The following ZNF423 variants were observed in gnomAD, a reference collection of about 807,000 sequenced individuals.
ZNF423 encodes the protein Ebf-associated zinc finger protein.
ZNF423 carries 12 observed loss-of-function variants against 95.8 expected under a neutral mutation model. That is an observed-to-expected ratio of 0.13 (90% CI 0.08 to 0.20). ZNF423 has a LOEUF of 0.20. Among genes scored for constraint, ZNF423 ranks in the 10% least tolerant of loss-of-function variants. The pLI is 1.00. For missense variants in ZNF423, 1,316 were observed against 1,737.1 expected, an observed-to-expected ratio of 0.76 and a Z score of 4.31; for synonymous variants, 749 against 711.9, an observed-to-expected ratio of 1.05 and a Z score of -0.83.
chr16:49,509,213 T>C (rs1967780607), intron 7 of ZNF423, among the ~76,000 whole-genome samples: 1 of 152,150 alleles, frequency 6.6e-6, no homozygotes, highest in South Asian at 2.1e-4. Context: ...CTAGGATGAC[T>C]ACCTCCTTCC....
intron 3 of ZNF423, among the ~76,000 whole-genome samples, chr16:49,655,826 C>T (rs1408115402): frequency 6.6e-6 from 1 of 152,162 alleles, no homozygotes; most frequent in African/African-American, 2.4e-5. Flanking sequence ...GTCACTTCGC[C>T]CCTGAACCCA....
At position 49,845,108 on chromosome 16, in the gene ZNF423, T is replaced by G. The variant is rs528378773; in HGVS notation, c.40+10627A>C. Among the ~76,000 whole-genome samples the G allele has an allele frequency of 1.2e-3, 177 of 151,740 alleles. 2 individuals carry two copies. The highest frequency in any genetic ancestry group is 3.7e-3 in the African/African-American group (154 of 41,346). On this transcript the variant is annotated intron_variant, in intron 1 of 7. Coordinates refer to ENST00000563137, the MANE Select transcript of ZNF423 (RefSeq NM_001379286.1). Reference sequence around the variant, plus strand: ...GACCCAGAAGATTGAGGCCAGATTTTTTTGTTTGTTTGTGTTTTTTGGGGT... The same window carrying G: ...GACCCAGAAGATTGAGGCCAGATTTGTTTGTTTGTTTGTGTTTTTTGGGGT...
At chr16:49,715,879 A>C (rs2032690196) in intron 3 of ZNF423, among the ~76,000 whole-genome samples, 2 of 150,868 alleles carry the variant, frequency 1.3e-5, no homozygotes, top group African/African-American at 2.4e-5. Flanking sequence ...GTATGCAAAA[A>C]ATCAAAAAAG....
At chr16:49,782,371 T>C (rs2034226366) in intron 2 of ZNF423, among the ~76,000 whole-genome samples, 1 of 152,208 alleles carries the variant, frequency 6.6e-6, no homozygotes, top group East Asian at 1.9e-4. Flanking sequence ...CACATGTATG[T>C]GAAAAGCACT....
At chr16:49,661,687 C>T (rs1340657358) in intron 3 of ZNF423, among the ~76,000 whole-genome samples, 2 of 152,216 alleles carry the variant, frequency 1.3e-5, no homozygotes, top group African/African-American at 4.8e-5. Context: ...TGGAGTGCCT[C>T]TTCTGTGCCA....
intron 7 of ZNF423, among the ~76,000 whole-genome samples, chr16:49,496,961 G>A (rs1967186694): frequency 6.6e-6 from 1 of 152,150 alleles, no homozygotes; most frequent in South Asian, 2.1e-4. Context: ...GTGTCCAAAG[G>A]GCTGGCAAGG....
At chr16:49,850,142 A>G (rs921582528) in intron 1 of ZNF423, among the ~76,000 whole-genome samples, 2 of 152,122 alleles carry the variant, frequency 1.3e-5, no homozygotes, top group Non-Finnish European at 2.9e-5. Context: ...TACAACCCCA[A>G]TCGTTGGCTG....
intron 1 of ZNF423, among the ~76,000 whole-genome samples, chr16:49,829,590 G>T (rs75182074): frequency 0.017 from 2,625 of 152,328 alleles, 31 homozygotes; most frequent in Non-Finnish European, 0.027. Flanking sequence ...CAGCCAGGAA[G>T]GCGGCTGAAC....
At chr16:49,822,252 T>C (rs2034953238) in intron 1 of ZNF423, among the ~76,000 whole-genome samples, 1 of 151,668 alleles carries the variant, frequency 6.6e-6, no homozygotes, top group African/African-American at 2.4e-5. Flanking sequence ...CAGCTTGCTG[T>C]GACCTCCGCC....
At position 49,559,026 on chromosome 16, in the gene ZNF423, T is replaced by C. The variant is rs377673288; in HGVS notation, c.3602-33532A>G. Among the ~76,000 whole-genome samples, 5 of 152,202 alleles carry C rather than the reference T, an allele frequency of 3.3e-5. No homozygotes were observed. In the East Asian group the frequency reaches 7.7e-4, roughly 24 times the overall value. On this transcript the variant is annotated intron_variant, in intron 5 of 7. Coordinates refer to ENST00000563137, the MANE Select transcript of ZNF423 (RefSeq NM_001379286.1). The stretch of plus-strand genomic sequence containing the variant: ...GGGCCACAGGGGCTTCCCTCAACCT[T>C]GGACATCCCTGGCCCAGGCTTGCCC...
chr16:49,695,221 C>T (rs1305621926), intron 3 of ZNF423, among the ~76,000 whole-genome samples: 1 of 152,248 alleles, frequency 6.6e-6, no homozygotes, highest in Non-Finnish European at 1.5e-5. Flanking sequence ...TCAAGTGATT[C>T]TTGTGCCTCA....
At chr16:49,574,393 CTGAT>C (rs1970436370) in intron 5 of ZNF423, among the ~76,000 whole-genome samples, 1 of 152,228 alleles carries the variant, frequency 6.6e-6, no homozygotes, top group Non-Finnish European at 1.5e-5. Context: ...AGACAAAACA[CTGAT>C]TGCCAGTCCT....
chr16:49,842,868 A>C (rs1363727131), intron 1 of ZNF423, among the ~76,000 whole-genome samples: 2 of 151,608 alleles, frequency 1.3e-5, no homozygotes, highest in Non-Finnish European at 2.9e-5. Context: ...AGTCCCAGCT[A>C]CTCGGGAGGC....
intron 5 of ZNF423, among the ~76,000 whole-genome samples, chr16:49,561,200 C>T (rs368411902): frequency 3.3e-5 from 5 of 152,206 alleles, no homozygotes; most frequent in East Asian, 3.9e-4. Flanking sequence ...CCAGATTCAG[C>T]GAAATGATAT....
At chr16:49,724,372 G>A (rs1487822384) in intron 3 of ZNF423, among the ~76,000 whole-genome samples, 4 of 152,198 alleles carry the variant, frequency 2.6e-5, no homozygotes, top group African/African-American at 4.8e-5. Flanking sequence ...CAAGCCCCTA[G>A]CCTTTTGCGC....
At chr16:49,515,688 G>A (rs1398335350) in intron 7 of ZNF423, among the ~76,000 whole-genome samples, 1 of 152,222 alleles carries the variant, frequency 6.6e-6, no homozygotes, top group Non-Finnish European at 1.5e-5. Context: ...ACAATTTCAG[G>A]GGAGCTTGTC....
chr16:49,622,538 C>CA (rs1972118577), intron 5 of ZNF423, among the ~76,000 whole-genome samples: 1 of 152,202 alleles, frequency 6.6e-6, no homozygotes, highest in South Asian at 2.1e-4. Context: ...AAGGCAACGT[C>CA]CCCCCTCTTC....
Position 49,635,639 on chromosome 16 carries a change from G to A in ZNF423, c.3516+21C>T. 2.0e-6 allele frequency: 3 copies of A among 1,532,756 alleles called. No homozygotes were observed. The South Asian group carries it at 3.9e-5, about 20-fold the overall frequency. 94.9% of individuals were successfully genotyped at this position (1,532,756 alleles called of 1,614,324 possible). A position where few individuals can be genotyped will look rare whatever the true frequency, so the allele number is the denominator to read the frequency against. On this transcript the variant is annotated intron_variant, in intron 4 of 7. Transcript: ENST00000563137. This position sits in a 1 kb window ranked among gnomAD's most constrained non-coding sequence, Gnocchi z 4.8. ...CCCCAAGGAGAGGAGCAGGGAGCAG[G>A]ATGAGGTGGACTGCACTTACCCGGG...
chr16:49,575,698 G>A (rs1300915618), intron 5 of ZNF423, among the ~76,000 whole-genome samples: 1 of 152,196 alleles, frequency 6.6e-6, no homozygotes, highest in Non-Finnish European at 1.5e-5. Flanking sequence ...TGCCCTGGGT[G>A]TCCCGACTTC....
Sources: allele counts gnomAD v4.1 joint callset (sites outside exome capture counted in the v4.1 genomes callset), GRCh38; gene constraint gnomAD v4.1.1; non-coding constraint Gnocchi (gnomAD v3.1); transcripts MANE v1.5; gene names NCBI Gene and HGNC (gene_info 2026-07-23, HGNC 2026-07-21).